The following WASF3 variants were observed in gnomAD, a reference collection of about 807,000 sequenced individuals.
The protein encoded by WASF3 is WASP family member 3.
WASF3 carries 11 observed loss-of-function variants against 46.6 expected under a neutral mutation model. That is an observed-to-expected ratio of 0.24 (90% CI 0.15 to 0.39). WASF3 has a LOEUF of 0.39. WASF3 is among the 10% of genes least tolerant of loss of function. The pLI is 1.00. For missense variants in WASF3, 576 were observed against 669.8 expected (o/e 0.86, Z 1.55); for synonymous variants, 242 against 259.7 (o/e 0.93, Z 0.65).
intron 1 of WASF3, among the ~76,000 whole-genome samples, chr13:26,558,190 C>G (rs1593363358): frequency 1.3e-5 from 2 of 151,908 alleles, no homozygotes; most frequent in African/African-American, 2.4e-5. Context: ...GGCCTCCGCT[C>G]GCGCCCCACG....
At chr13:26,611,002 A>G (rs1310695285) in intron 1 of WASF3, among the ~76,000 whole-genome samples, 2 of 150,456 alleles carry the variant, frequency 1.3e-5, no homozygotes, top group Non-Finnish European at 3.0e-5. Flanking sequence ...AAAAGGAGAC[A>G]ATCCAATGTA....
chr13:26,593,871 G>A (rs2137188113), intron 1 of WASF3, among the ~76,000 whole-genome samples: 1 of 152,238 alleles, frequency 6.6e-6, no homozygotes, highest in East Asian at 1.9e-4. Flanking sequence ...ATAATTTATA[G>A]CTCTAACATA....
At chr13:26,683,977 C>T (rs1883323982) in intron 9 of WASF3, among the ~76,000 whole-genome samples, 1 of 152,160 alleles carries the variant, frequency 6.6e-6, no homozygotes, top group Non-Finnish European at 1.5e-5. Context: ...CAGACTTGGT[C>T]ACAGTTTAGT....
At chr13:26,602,851 A>G (rs531579944) in intron 1 of WASF3, among the ~76,000 whole-genome samples, 2 of 152,298 alleles carry the variant, frequency 1.3e-5, no homozygotes, top group East Asian at 3.9e-4. Context: ...GATTTTCTGT[A>G]TATTTCGTGC....
chr13:26,654,764 C>T (rs890182137), intron 3 of WASF3, among the ~76,000 whole-genome samples: 3 of 152,102 alleles, frequency 2.0e-5, no homozygotes, highest in South Asian at 2.1e-4. Flanking sequence ...ATAATCAGGA[C>T]GGTAGCAGTA....
chr13:26,675,481 TAC>T (rs56162218), intron 6 of WASF3, among the ~76,000 whole-genome samples: 27,083 of 145,482 alleles, frequency 0.19, 2,804 homozygotes, highest in Non-Finnish European at 0.25. Context: ...TAGACACACA[TAC>T]ACACACACAC....
At chr13:26,576,333 T>C (rs1879795940) in intron 1 of WASF3, among the ~76,000 whole-genome samples, 1 of 152,194 alleles carries the variant, frequency 6.6e-6, no homozygotes, top group South Asian at 2.1e-4. Flanking sequence ...TTACTTTCTT[T>C]TTTTTTCCTT....
intron 3 of WASF3, among the ~76,000 whole-genome samples, chr13:26,662,707 A>G (rs146894753): frequency 1.6e-3 from 239 of 152,328 alleles, no homozygotes; most frequent in African/African-American, 5.6e-3. Flanking sequence ...TGTGTTCACT[A>G]CCTGGGTATG....
In WASF3 at chr13:26,664,988, T is replaced by A. The variant is rs573079738; in HGVS notation, c.134-40T>A. 5.0e-6 allele frequency: 8 copies of A among 1,610,220 alleles called. No individual in the cohort carries two copies. The South Asian group carries it at 5.5e-5, about 11-fold the overall frequency. On this transcript the variant is annotated intron_variant, in intron 3 of 9. Coordinates refer to ENST00000335327, the MANE Select transcript of WASF3 (RefSeq NM_006646.6). Reference sequence around the variant, plus strand: ...GATGTGTGAGGGCCGCTTCATCAGCTCCCTAACAGATGGCCTTCTCCATTC... The same window carrying A: ...GATGTGTGAGGGCCGCTTCATCAGCACCCTAACAGATGGCCTTCTCCATTC...
At position 26,560,890 on chromosome 13, in the gene WASF3, G is replaced by T. The variant is rs75530616; in HGVS notation, c.-109+3071G>T. On this transcript the variant is annotated intron_variant, in intron 1 of 9. Coordinates refer to ENST00000335327, the MANE Select transcript of WASF3 (RefSeq NM_006646.6). The stretch of plus-strand genomic sequence containing the variant: ...GATCTGAAAGGGGCCAGCAACAAGA[G>T]CTCAGAGGAGGACCATAAACCCAAG... 5.6e-3 allele frequency among the ~76,000 whole-genome samples: 856 copies of T among 152,332 alleles called. 5 individuals carry two copies. The highest frequency in any genetic ancestry group is 0.019 in the African/African-American group (787 of 41,566).
chr13:26,589,290 G>A (rs936150393), intron 1 of WASF3, among the ~76,000 whole-genome samples: 3 of 152,186 alleles, frequency 2.0e-5, no homozygotes, highest in African/African-American at 4.8e-5. Context: ...ACTAAAAATG[G>A]TTCCTCTCAG....
the WASF3 span, among the ~76,000 whole-genome samples, chr13:26,540,427 C>G: frequency 6.6e-6 from 1 of 152,332 alleles, no homozygotes; most frequent in East Asian, 1.9e-4. Flanking sequence ...TTCCACTGTC[C>G]TGGCAACCTC....
rs369210650 is a variant in WASF3, at chr13:26,587,175, CT to C, written c.-108-25775del. 7.4e-3 allele frequency among the ~76,000 whole-genome samples: 875 copies of C among 117,532 alleles called. 4 individuals are homozygous for C. Among genetic ancestry groups the C allele is most frequent in the African/African-American group, 0.02 (653 of 32,770 alleles). 77.1% of individuals were successfully genotyped at this position (117,532 alleles called of 152,430 possible). A position where few individuals can be genotyped will look rare whatever the true frequency, so the allele number is the denominator to read the frequency against. Reference sequence around the variant, plus strand: ...TTAAAAAGAATCCTCATTTTTTTTGCTTTTTTTTTTTGGTGGTTTGTTTGTT... The same window carrying C: ...TTAAAAAGAATCCTCATTTTTTTTGCTTTTTTTTTTGGTGGTTTGTTTGTT... On this transcript the variant is annotated intron_variant, in intron 1 of 9. Coordinates refer to ENST00000335327, the MANE Select transcript of WASF3 (RefSeq NM_006646.6).
chr13:26,615,935 A>G (rs918208583), intron 2 of WASF3, among the ~76,000 whole-genome samples: 9 of 152,190 alleles, frequency 5.9e-5, no homozygotes, highest in African/African-American at 1.9e-4. Flanking sequence ...TTGTTGTTGC[A>G]TGTATCAGTA....
chr13:26,617,631 T>C (rs1352399920), intron 2 of WASF3, among the ~76,000 whole-genome samples: 1 of 152,210 alleles, frequency 6.6e-6, no homozygotes, highest in Non-Finnish European at 1.5e-5. Context: ...GTTTCTTCCC[T>C]ATACAATGGA....
chr13:26,595,482 G>A (rs1880432673), intron 1 of WASF3, among the ~76,000 whole-genome samples: 2 of 152,124 alleles, frequency 1.3e-5, no homozygotes, highest in Admixed American at 6.5e-5. Flanking sequence ...ATACTGGTAC[G>A]TACTAACGAC....
At position 26,650,776 on chromosome 13, in the gene WASF3, G is replaced by A. The variant is rs79396759; in HGVS notation, c.133+8373G>A. 5.4e-3 allele frequency among the ~76,000 whole-genome samples: 829 copies of A among 152,262 alleles called. 10 individuals carry two copies. The highest frequency in any genetic ancestry group is 0.019 in the African/African-American group (792 of 41,556). ...TGGACCTAATAGCAGACAGGACCCA[G>A]CAGAAGTGATTGGTGAACTTGGAAA... On this transcript the variant is annotated intron_variant, in intron 3 of 9. Transcript: ENST00000335327.
intron 3 of WASF3, among the ~76,000 whole-genome samples, chr13:26,643,032 G>T (rs6491141): frequency 0.021 from 3,128 of 152,310 alleles, 111 homozygotes; most frequent in African/African-American, 0.071. Flanking sequence ...AAGCTAGGAA[G>T]AAAAGGCTGC....
intron 2 of WASF3, chr13:26,640,587 T>C (rs499978): frequency 0.99 from 150,141 of 152,048 alleles, 74,155 homozygotes; most frequent in East Asian, 1. Flanking sequence ...TTGTATTTTT[T>C]GTCGAGATGG....
Sources: allele counts gnomAD v4.1 joint callset (sites outside exome capture counted in the v4.1 genomes callset), GRCh38; gene constraint gnomAD v4.1.1; transcripts MANE v1.5; gene names NCBI Gene and HGNC (gene_info 2026-07-23, HGNC 2026-07-21).